Variants in LRMDA observed in about 807,000 individuals in gnomAD.
LRMDA encodes leucine-rich melanocyte differentiation-associated protein.
A neutral mutation model predicts 29.8 loss-of-function variants in LRMDA; 18 were observed. The ratio of observed to expected loss-of-function variants is 0.60; its 90% CI spans 0.42 to 0.90. The LOEUF is 0.90. Among genes scored for constraint, LRMDA ranks in the 40% least tolerant of loss-of-function variants. LRMDA has a pLI of 0.00. For synonymous variants in LRMDA, 125 were observed against 109.4 expected (o/e 1.14, Z -0.89); for missense variants, 273 against 273.9 (o/e 1.00, Z 0.02).
intron 6 of LRMDA, among the ~76,000 whole-genome samples, chr10:76,516,228 CA>C (rs1843059611): frequency 6.6e-6 from 1 of 151,896 alleles, no homozygotes; most frequent in Non-Finnish European, 1.5e-5. Flanking sequence ...ATTTGAATGC[CA>C]AAATGGTATC....
chr10:75,893,120 G>T (rs566690041), intron 2 of LRMDA, among the ~76,000 whole-genome samples: 60 of 152,282 alleles, frequency 3.9e-4, no homozygotes, highest in Admixed American at 2.1e-3. Context: ...TTTGTACAGC[G>T]TGTGTTTGGT....
chr10:76,283,706 T>A (rs146633444), intron 5 of LRMDA, among the ~76,000 whole-genome samples: 53 of 152,288 alleles, frequency 3.5e-4, no homozygotes, highest in Non-Finnish European at 7.4e-4. Flanking sequence ...AACAGGAAAT[T>A]GAGGTTCAGA....
intron 6 of LRMDA, among the ~76,000 whole-genome samples, chr10:76,479,634 C>A (rs1387395298): frequency 6.6e-6 from 1 of 151,908 alleles, no homozygotes; most frequent in Non-Finnish European, 1.5e-5. Context: ...CATGGTTGAA[C>A]TCTGAAGGGC....
intron 2 of LRMDA, among the ~76,000 whole-genome samples, chr10:75,890,306 TTCTC>T (rs776676441): frequency 4.6e-5 from 7 of 152,234 alleles, no homozygotes; most frequent in Non-Finnish European, 7.3e-5. Flanking sequence ...GTCATTTGAA[TTCTC>T]TCTCTATATA....
At chr10:76,103,693 A>G (rs1849432816) in intron 5 of LRMDA, among the ~76,000 whole-genome samples, 1 of 152,208 alleles carries the variant, frequency 6.6e-6, no homozygotes. Context: ...AGCCAGGATG[A>G]CTGTGTGTTT....
intron 2 of LRMDA, among the ~76,000 whole-genome samples, chr10:75,957,886 G>A (rs1444500153): frequency 6.6e-6 from 1 of 152,142 alleles, no homozygotes; most frequent in East Asian, 1.9e-4. Context: ...GTAATAAATA[G>A]CTGTGCTCGG....
chr10:75,920,078 T>C (rs999926051), intron 2 of LRMDA, among the ~76,000 whole-genome samples: 5 of 152,192 alleles, frequency 3.3e-5, no homozygotes, highest in African/African-American at 1.2e-4. Flanking sequence ...CAATGCTTGA[T>C]TCTCCTGGGG....
chr10:76,075,144 C>T (rs1051907315), intron 5 of LRMDA, among the ~76,000 whole-genome samples: 4 of 152,196 alleles, frequency 2.6e-5, no homozygotes, highest in Non-Finnish European at 5.9e-5. Flanking sequence ...GGACATTGTG[C>T]ACTGACCTGT....
At chr10:76,282,420 C>T (rs1250375935) in intron 5 of LRMDA, among the ~76,000 whole-genome samples, 1 of 152,176 alleles carries the variant, frequency 6.6e-6, no homozygotes, top group Non-Finnish European at 1.5e-5. Flanking sequence ...GAAAGTATTT[C>T]AGCCTGCGTC....
In LRMDA at chr10:76,477,589, G is replaced by A. The variant is rs185801394; in HGVS notation, c.602-79620G>A. Among the ~76,000 whole-genome samples, 75 of 152,200 alleles carry A rather than the reference G, an allele frequency of 4.9e-4. 1 individual carries two copies. The highest frequency in any genetic ancestry group is 1.1e-3 in the Admixed American group (17 of 15,260). ...ATGGAACCGAAAAAGAGCCCGCATC[G>A]CCAAGGCAATCCTAAGCCGAAAGAA... On this transcript the variant is annotated intron_variant, in intron 6 of 6. Coordinates refer to ENST00000611255, the MANE Select transcript of LRMDA (RefSeq NM_001305581.2).
chr10:76,199,384 A>G (rs1851388009), intron 5 of LRMDA, among the ~76,000 whole-genome samples: 1 of 152,168 alleles, frequency 6.6e-6, no homozygotes, highest in Non-Finnish European at 1.5e-5. Flanking sequence ...CGTTTCCTCC[A>G]TGGACTGGCT....
intron 2 of LRMDA, among the ~76,000 whole-genome samples, chr10:75,583,306 T>C (rs920143381): frequency 1.3e-5 from 2 of 152,182 alleles, no homozygotes; most frequent in Admixed American, 1.3e-4. Flanking sequence ...AGAGGTTTAA[T>C]TGGCTCACAG....
At chr10:75,552,739 C>T (rs1840167954) in intron 2 of LRMDA, among the ~76,000 whole-genome samples, 1 of 151,334 alleles carries the variant, frequency 6.6e-6, no homozygotes, top group Non-Finnish European at 1.5e-5. Flanking sequence ...TATCCTATAG[C>T]TCTCATATGC....
At chr10:75,787,160 G>T (rs1314296764) in intron 2 of LRMDA, among the ~76,000 whole-genome samples, 9 of 152,158 alleles carry the variant, frequency 5.9e-5, no homozygotes, top group Admixed American at 5.9e-4. Flanking sequence ...ATGCTTGGTG[G>T]TGGTTCGATA....
intron 2 of LRMDA, among the ~76,000 whole-genome samples, chr10:75,685,599 G>A (rs532969033): frequency 9.3e-4 from 142 of 152,320 alleles, no homozygotes; most frequent in African/African-American, 3.2e-3. Context: ...CACTGAGGAA[G>A]CAAGATAAAG....
intron 2 of LRMDA, among the ~76,000 whole-genome samples, chr10:75,884,961 G>A (rs982170242): frequency 2.0e-5 from 3 of 151,554 alleles, no homozygotes; most frequent in African/African-American, 2.4e-5. Context: ...CAGGAGGCCC[G>A]GGGAGGACAG....
chr10:76,112,412 C>G (rs774915325), intron 5 of LRMDA, among the ~76,000 whole-genome samples: 1 of 152,228 alleles, frequency 6.6e-6, no homozygotes, highest in Non-Finnish European at 1.5e-5. Flanking sequence ...CGCCGGCCCT[C>G]GTCACCCTTC....
At chr10:75,934,786 T>C (rs541789854) in intron 2 of LRMDA, among the ~76,000 whole-genome samples, 6 of 152,212 alleles carry the variant, frequency 3.9e-5, no homozygotes, top group African/African-American at 1.4e-4. Flanking sequence ...AGCCACTACC[T>C]GGAGGCAGTG....
chr10:75,827,435 T>G (rs1261545695), intron 2 of LRMDA, among the ~76,000 whole-genome samples: 1 of 152,216 alleles, frequency 6.6e-6, no homozygotes, highest in African/African-American at 2.4e-5. Context: ...ATCCTCTGTT[T>G]GTATTTTCTT....
Sources: gnomAD v4.1 joint callset for allele counts (sites outside exome capture counted in the v4.1 genomes callset) on GRCh38, gnomAD v4.1.1 for gene constraint, MANE v1.5 for transcripts, NCBI Gene and HGNC (gene_info 2026-07-23, HGNC 2026-07-21) for gene names.